The following LARS2 variants were observed in gnomAD, a reference collection of about 807,000 sequenced individuals.
The protein encoded by LARS2 is leucine--tRNA ligase, mitochondrial.
LARS2 carries 81 observed loss-of-function variants against 116.6 expected under a neutral mutation model. That is an observed-to-expected ratio of 0.69 (90% CI 0.58 to 0.84). The LOEUF (loss-of-function observed/expected upper bound fraction) is 0.84, where lower values mean the gene tolerates loss of function less well. LARS2 is among the 40% of genes least tolerant of loss of function. LARS2 has a pLI of 0.00. For synonymous variants in LARS2, 396 were observed against 407.2 expected, an observed-to-expected ratio of 0.97 and a Z score of 0.33; for missense variants, 968 against 1,114.5, an observed-to-expected ratio of 0.87 and a Z score of 1.87.
At position 45,403,752 on chromosome 3, in the gene LARS2, C is replaced by G. The variant is rs531506498; in HGVS notation, c.363+3379C>G. Among the ~76,000 whole-genome samples the G allele has an allele frequency of 2.1e-3, 319 of 152,232 alleles. 2 individuals are homozygous for G. The highest frequency in any genetic ancestry group is 3.1e-3 in the Non-Finnish European group (214 of 68,004). ...GGAACTGGTACCCTTGCAGGCAGCT[C>G]AGGCCCAAAAGACAAGGAGTCCTCC... On this transcript the variant is annotated intron_variant, in intron 4 of 21. Transcript: ENST00000645846.
Position 45,422,883 on chromosome 3 carries a change from GA to G in LARS2, c.516+3157del, listed in dbSNP as rs201246414. Reference sequence around the variant, plus strand: ...TTAAAAGGTGGGCAAATATATGGGGGAAACCTTTGGGGCAATTTGGAGTCTT... The same window carrying G: ...TTAAAAGGTGGGCAAATATATGGGGGAACCTTTGGGGCAATTTGGAGTCTT... On this transcript the variant is annotated intron_variant, in intron 6 of 21. Coordinates refer to ENST00000645846, the MANE Select transcript of LARS2 (RefSeq NM_015340.4). Among the ~76,000 whole-genome samples, 1,473 of 152,258 alleles carry G rather than the reference GA, an allele frequency of 9.7e-3. 4 individuals carry two copies. The highest frequency in any genetic ancestry group is 0.015 in the Non-Finnish European group (1,042 of 67,980).
At chr3:45,505,086 T>TA (rs949019876) in intron 15 of LARS2, among the ~76,000 whole-genome samples, 2,756 of 145,464 alleles carry the variant, frequency 0.019, 74 homozygotes, top group African/African-American at 0.061. Context: ...GTCTAAAAAT[T>TA]AAAAAAAAAA....
intron 21 of LARS2, among the ~76,000 whole-genome samples, chr3:45,546,849 A>T (rs957773790): frequency 1.6e-4 from 24 of 152,222 alleles, no homozygotes; most frequent in Admixed American, 1.0e-3. Flanking sequence ...TTCTGGAGCC[A>T]GTCAGCAGAG....
At chr3:45,474,652 A>G (rs975741446) in intron 9 of LARS2, among the ~76,000 whole-genome samples, 1 of 152,222 alleles carries the variant, frequency 6.6e-6, no homozygotes, top group Non-Finnish European at 1.5e-5. Flanking sequence ...TGTGTTCTAC[A>G]TTTATAGTAC....
chr3:45,486,090 T>G (rs770086893), intron 11 of LARS2, among the ~76,000 whole-genome samples: 1 of 151,838 alleles, frequency 6.6e-6, no homozygotes, highest in Non-Finnish European at 1.5e-5. Context: ...CGAGGAACAA[T>G]GCAACTCAGA....
At chr3:45,516,822 C>T (rs1218090713) in intron 17 of LARS2, among the ~76,000 whole-genome samples, 5 of 152,184 alleles carry the variant, frequency 3.3e-5, no homozygotes, top group African/African-American at 4.8e-5. Flanking sequence ...CACCCTTCAT[C>T]TCCCCACTTA....
intron 20 of LARS2, among the ~76,000 whole-genome samples, chr3:45,541,115 G>A (rs1700789121): frequency 6.6e-6 from 1 of 152,138 alleles, no homozygotes; most frequent in Non-Finnish European, 1.5e-5. Context: ...TTAAAGTCCT[G>A]GAGCACTGGC....
chr3:45,433,998 T>C (rs913099966), intron 6 of LARS2, among the ~76,000 whole-genome samples: 2 of 152,210 alleles, frequency 1.3e-5, no homozygotes, highest in Non-Finnish European at 2.9e-5. Flanking sequence ...TATTTCTCTC[T>C]GGCTGCTTTC....
chr3:45,408,333 C>T (rs1013002997), intron 4 of LARS2, among the ~76,000 whole-genome samples: 2 of 152,368 alleles, frequency 1.3e-5, no homozygotes, highest in African/African-American at 4.8e-5. Flanking sequence ...GCTCTGACCC[C>T]TGTGTTTTTG....
intron 1 of LARS2, among the ~76,000 whole-genome samples, chr3:45,390,634 A>T (rs894745193): frequency 1.6e-4 from 22 of 140,360 alleles, no homozygotes; most frequent in African/African-American, 5.3e-4. Context: ...TTTTATTTTT[A>T]TTATTTATTT....
chr3:45,521,373 G>A (rs868093546), intron 19 of LARS2, among the ~76,000 whole-genome samples: 2 of 152,158 alleles, frequency 1.3e-5, no homozygotes, highest in East Asian at 1.9e-4. Flanking sequence ...GTAGCTACTC[G>A]GGAAGCTGAG....
intron 15 of LARS2, 66 bp downstream of exon 15, chr3:45,500,645 GTTC>G: frequency 1.6e-6 from 2 of 1,267,960 alleles, no homozygotes. Flanking sequence ...GCAGGTGTCA[GTTC>G]TTCTGAAGCA....
intron 14 of LARS2, among the ~76,000 whole-genome samples, chr3:45,500,072 G>A (rs944030322): frequency 4.6e-5 from 7 of 152,226 alleles, no homozygotes; most frequent in Middle Eastern, 6.8e-3. Flanking sequence ...CACGATCTTG[G>A]CTCACTGCAA....
chr3:45,525,849 C>T (rs752006023), intron 20 of LARS2, among the ~76,000 whole-genome samples: 4 of 152,166 alleles, frequency 2.6e-5, no homozygotes, highest in African/African-American at 4.8e-5. Flanking sequence ...TTCTGGAATT[C>T]GGGAAGTCCT....
chr3:45,460,110 T>C (rs1645844283), intron 8 of LARS2, among the ~76,000 whole-genome samples: 1 of 152,242 alleles, frequency 6.6e-6, no homozygotes, highest in African/African-American at 2.4e-5. Flanking sequence ...ATATGACCTC[T>C]AGTTTCCTCA....
chr3:45,540,460 C>T (rs1384402519), intron 20 of LARS2, among the ~76,000 whole-genome samples: 1 of 152,124 alleles, frequency 6.6e-6, no homozygotes, highest in African/African-American at 2.4e-5. Flanking sequence ...CAGCTTCAGC[C>T]CATACCCTGA....
chr3:45,520,894 A>C (rs953123297), intron 19 of LARS2, among the ~76,000 whole-genome samples: 3 of 152,198 alleles, frequency 2.0e-5, no homozygotes, highest in Non-Finnish European at 2.9e-5. Flanking sequence ...CCAAGCTTTT[A>C]AGATCAGTGG....
chr3:45,544,849 C>T (rs561586879), intron 21 of LARS2, among the ~76,000 whole-genome samples: 52 of 152,234 alleles, frequency 3.4e-4, no homozygotes, highest in African/African-American at 1.2e-3. Context: ...AGAAGGGTGT[C>T]GCAATACCAG....
Position 45,485,685 on chromosome 3 carries a change from T to C in LARS2, c.1019-7T>C, listed in dbSNP as rs1313264957. The C allele has an allele frequency of 6.4e-7, 1 of 1,564,110 alleles. No individual in the cohort carries two copies. Among genetic ancestry groups the C allele is most frequent in the East Asian group, 2.3e-5 (1 of 44,132 alleles). ...TGGCATCCACAGTTATTTGCTCTCATTTTCAGATTGCCTCACGCCTGTAAT... is the reference window on the plus strand; with the variant it reads ...TGGCATCCACAGTTATTTGCTCTCACTTTCAGATTGCCTCACGCCTGTAAT... On this transcript the variant is annotated splice_polypyrimidine_tract_variant and splice_region_variant and intron_variant, in intron 10 of 21. Transcript: ENST00000645846.
Sources: allele counts gnomAD v4.1 joint callset (sites outside exome capture counted in the v4.1 genomes callset), GRCh38; gene constraint gnomAD v4.1.1; transcripts MANE v1.5; gene names NCBI Gene and HGNC (gene_info 2026-07-23, HGNC 2026-07-21).